The following RAB3GAP2 variants were observed in gnomAD, a reference collection of about 807,000 sequenced individuals.
The protein encoded by RAB3GAP2 is rab3 GTPase-activating protein non-catalytic subunit.
A neutral mutation model predicts 185.3 loss-of-function variants in RAB3GAP2; 87 were observed. The observed-to-expected ratio is 0.47, with a 90% CI of 0.39 to 0.56. RAB3GAP2 has a LOEUF of 0.56. Among genes scored for constraint, RAB3GAP2 ranks in the 20% least tolerant of loss-of-function variants. The probability of loss-of-function intolerance (pLI) is 0.00; values close to 1 mark genes in which losing one functional copy is unlikely to be tolerated. For synonymous variants in RAB3GAP2, 554 were observed against 576.1 expected (o/e 0.96, Z 0.55); for missense variants, 1,492 against 1,638.2 (o/e 0.91, Z 1.54).
At chr1:220,205,601 G>A (rs1351184029) in intron 8 of RAB3GAP2, among the ~76,000 whole-genome samples, 1 of 152,190 alleles carries the variant, frequency 6.6e-6, no homozygotes, top group African/African-American at 2.4e-5. Context: ...AGGGTTGGTT[G>A]TCAATGTTGG....
intron 2 of RAB3GAP2, among the ~76,000 whole-genome samples, chr1:220,227,667 T>C (rs6541127): frequency 0.46 from 70,108 of 152,012 alleles, 18,259 homozygotes; most frequent in African/African-American, 0.71. Flanking sequence ...ACCCGACTAA[T>C]GCAGAAGAAA....
chr1:220,239,328 G>A (rs940129961), intron 1 of RAB3GAP2, among the ~76,000 whole-genome samples: 5 of 151,992 alleles, frequency 3.3e-5, no homozygotes, highest in South Asian at 2.1e-4. Flanking sequence ...TCTCCCAGGC[G>A]CAAGCAGTTC....
chr1:220,257,715 A>G (rs1170248869), intron 1 of RAB3GAP2, among the ~76,000 whole-genome samples: 2 of 152,196 alleles, frequency 1.3e-5, no homozygotes, highest in Non-Finnish European at 2.9e-5. Flanking sequence ...AAGACAAGAA[A>G]TAACCAAGAT....
At chr1:220,252,511 C>T (rs1659952944) in intron 1 of RAB3GAP2, among the ~76,000 whole-genome samples, 1 of 152,184 alleles carries the variant, frequency 6.6e-6, no homozygotes, top group Non-Finnish European at 1.5e-5. Context: ...TGCACTGGGA[C>T]TGACTGGACA....
intron 7 of RAB3GAP2, 102 bp from the exon 8 acceptor site, chr1:220,206,108 AC>A: frequency 1.3e-6 from 1 of 741,324 alleles, no homozygotes; most frequent in Non-Finnish European, 2.3e-6. Context: ...ACCACCCAAC[AC>A]CCAAAGCAAT....
chr1:220,179,244 CA>C lies in RAB3GAP2; in HGVS notation c.2310+3012del, dbSNP rs71169437. ...CGCCTGGGCGACAGTGAGACTGTCT[CA>C]AAAAAAAAAAAAAAAAAAAAAAGAA... On this transcript the variant is annotated intron_variant, in intron 21 of 34. Coordinates refer to ENST00000358951, the MANE Select transcript of RAB3GAP2 (RefSeq NM_012414.4). 5.9e-3 allele frequency among the ~76,000 whole-genome samples: 335 copies of C among 56,824 alleles called. 3 individuals are homozygous for C. Among genetic ancestry groups the C allele is most frequent in the East Asian group, 0.019 (40 of 2,130 alleles). The allele number at this position is 56,824 out of a possible 152,430, so 37.3% of individuals were successfully genotyped here.
rs755120340 is a variant in RAB3GAP2 at position 220,153,336 on chromosome 1, T to G, written c.3716A>C (p.Glu1239Ala). ...CCCAAAAGGAGTGGGTGTGGCCTCT[T>G]CTGTGGGATCTTTGACCTTTGTGGC... Reference protein sequence around the residue: ...HSATKVKDPTEEATPTPFGKD... With the variant: ...HSATKVKDPTAEATPTPFGKD... Residue 1239 changes from glutamate (E) to alanine (A), a missense_variant, in exon 33 of 35, where the codon GAA (glutamate) becomes GCA (alanine). Physicochemically the swap from Glu to Ala is moderately radical, Grantham distance 107. Coordinates refer to ENST00000358951, the MANE Select transcript of RAB3GAP2 (RefSeq NM_012414.4). 1.2e-5 allele frequency: 20 copies of G among 1,614,120 alleles called. No homozygotes were observed. The highest frequency in any genetic ancestry group is 1.7e-5 in the Non-Finnish European group (20 of 1,180,036).
At chr1:220,266,397 T>C (rs754327810) in intron 1 of RAB3GAP2, 5 of 431,578 alleles carry the variant, frequency 1.2e-5, no homozygotes, top group Non-Finnish European at 2.2e-5. Flanking sequence ...GACTCTGGAT[T>C]TGCCTCCTGG....
intron 1 of RAB3GAP2, chr1:220,254,377 A>G (rs1659995714): frequency 1.9e-6 from 3 of 1,613,172 alleles, no homozygotes; most frequent in Admixed American, 1.7e-5. Flanking sequence ...ATTTGTACGA[A>G]TTGGAGCAAT....
chr1:220,204,841 G>T lies in RAB3GAP2; in HGVS notation c.712+1066C>A, dbSNP rs541498834. Among the ~76,000 whole-genome samples, 18 of 148,926 alleles carry T rather than the reference G, an allele frequency of 1.2e-4. No homozygotes were observed. The South Asian group carries it at 2.7e-3, about 23-fold the overall frequency. ...TATGAGTGAGAACATGCAGTGTTTG[G>T]TTTTTTGTCCTTGCGATAGTTTGCT... is the stretch of plus-strand genomic sequence containing the variant. On this transcript the variant is annotated intron_variant, in intron 8 of 34. Transcript: ENST00000358951.
intron 1 of RAB3GAP2, among the ~76,000 whole-genome samples, chr1:220,269,329 C>A (rs978314191): frequency 6.6e-6 from 1 of 152,066 alleles, no homozygotes; most frequent in Non-Finnish European, 1.5e-5. Flanking sequence ...TGTATAAGGT[C>A]CAAGAAATGG....
chr1:220,254,272 T>C (rs1659993670), intron 1 of RAB3GAP2: 2 of 1,613,454 alleles, frequency 1.2e-6, no homozygotes, highest in African/African-American at 2.7e-5. Flanking sequence ...CCAGCTACTC[T>C]ATAAATTTGA....
intron 21 of RAB3GAP2, among the ~76,000 whole-genome samples, chr1:220,176,854 C>A (rs1216314376): frequency 6.6e-6 from 1 of 152,178 alleles, no homozygotes; most frequent in Non-Finnish European, 1.5e-5. Context: ...ACACACCAGC[C>A]TCCATTCCCA....
In RAB3GAP2 at chr1:220,158,046, G is replaced by A. The variant is rs533275118; in HGVS notation, c.3262-170C>T. 6.6e-6 allele frequency among the ~76,000 whole-genome samples: 1 copy of A among 152,304 alleles called. No homozygotes were observed. The highest frequency in any genetic ancestry group is 1.9e-4 in the East Asian group (1 of 5,180). ...TAGCATATTTAAGTTCCTTCTTTTA[G>A]ATTTACTGTCAACCAATTTTAAAGT... On this transcript the variant is annotated intron_variant, in intron 29 of 34. Coordinates refer to ENST00000358951, the MANE Select transcript of RAB3GAP2 (RefSeq NM_012414.4). This position sits in a 1 kb window ranked among gnomAD's most constrained non-coding sequence, Gnocchi z 4.3.
At chr1:220,207,888 A>G (rs1438130061) in intron 7 of RAB3GAP2, 1 of 152,178 alleles carries the variant, frequency 6.6e-6, no homozygotes, top group Non-Finnish European at 1.5e-5. Flanking sequence ...TCCTGAAACG[A>G]ATGACCTGCT....
intron 1 of RAB3GAP2, among the ~76,000 whole-genome samples, chr1:220,245,316 A>G (rs546397564): frequency 0.034 from 5,170 of 152,196 alleles, 208 homozygotes; most frequent in East Asian, 0.2. Flanking sequence ...TGCGCGCACC[A>G]TGCGCGAGCC....
chr1:220,171,432 A>G (rs1658176217), intron 23 of RAB3GAP2, among the ~76,000 whole-genome samples: 1 of 152,196 alleles, frequency 6.6e-6, no homozygotes, highest in African/African-American at 2.4e-5. Context: ...TATCAGTACC[A>G]TCAAAATACT....
At chr1:220,185,851 C>T in intron 17 of RAB3GAP2, 110 bp from the exon 18 acceptor site, 12 of 783,804 alleles carry the variant, frequency 1.5e-5, no homozygotes, top group South Asian at 1.4e-4. Context: ...AAGGGAAGCT[C>T]TATATTTAAG....
At chr1:220,245,618 C>A (rs968754835) in intron 1 of RAB3GAP2, among the ~76,000 whole-genome samples, 4 of 152,004 alleles carry the variant, frequency 2.6e-5, no homozygotes, top group Non-Finnish European at 5.9e-5. Context: ...CCCAGGCTTG[C>A]TTAGGTAAAC....
Sources: allele counts gnomAD v4.1 joint callset (sites outside exome capture counted in the v4.1 genomes callset), GRCh38; gene constraint gnomAD v4.1.1; non-coding constraint Gnocchi (gnomAD v3.1); transcripts MANE v1.5; gene names NCBI Gene and HGNC (gene_info 2026-07-23, HGNC 2026-07-21).